The following SPATA13 variants were observed in gnomAD, a reference collection of about 807,000 sequenced individuals.
SPATA13 encodes spermatogenesis associated 13.
Under a neutral mutation model 104.0 loss-of-function variants are expected in SPATA13, and 50 were observed. The observed-to-expected ratio is 0.48, with a 90% CI of 0.38 to 0.61. SPATA13 has a LOEUF of 0.61. Ranked by LOEUF, SPATA13 falls within the 20% of genes least tolerant of loss-of-function variation. SPATA13 has a pLI of 0.00. For synonymous variants in SPATA13, 606 were observed against 667.5 expected (o/e 0.91, Z 1.42); for missense variants, 1,524 against 1,690.6 (o/e 0.90, Z 1.73).
chr13:24,279,286 G>A (rs1875305615), intron 4 of SPATA13, among the ~76,000 whole-genome samples: 1 of 152,160 alleles, frequency 6.6e-6, no homozygotes, highest in South Asian at 2.1e-4. Flanking sequence ...AGTGCCTGCG[G>A]TCTTTGCAGC....
At position 24,286,431 on chromosome 13, in the gene SPATA13, G is replaced by A. The variant is rs1351750125; in HGVS notation, c.2481+38G>A. ...TGCTTGCAGCTTTTCCAAAGTACCT[G>A]GGGGAGCTGCAGGATCCTTTCAGGT... On this transcript the variant is annotated intron_variant, in intron 6 of 12. Transcript: ENST00000382108. This position sits in a 1 kb window ranked among gnomAD's most constrained non-coding sequence, Gnocchi z 4.9. 2 of 1,590,778 alleles carry A rather than the reference G, an allele frequency of 1.3e-6. No individual in the cohort carries two copies. The highest frequency in any genetic ancestry group is 1.7e-5 in the Admixed American group (1 of 57,196).
chr13:24,191,780 G>A (rs150954375), intron 1 of SPATA13, among the ~76,000 whole-genome samples: 1,801 of 152,058 alleles, frequency 0.012, 52 homozygotes, highest in African/African-American at 0.042. Context: ...AAAGTGCTGG[G>A]ATTACAGGCG....
Position 24,161,300 on chromosome 13 carries a change from G to A in SPATA13, c.-112+368G>A, listed in dbSNP as rs1882476772. Among the ~76,000 whole-genome samples the A allele has an allele frequency of 6.6e-6, 1 of 152,318 alleles. No individual in the cohort carries two copies. The highest frequency in any genetic ancestry group is 3.4e-3 in the Middle Eastern group (1 of 294). On this transcript the variant is annotated intron_variant, in intron 1 of 12. Coordinates refer to ENST00000382108, the MANE Select transcript of SPATA13 (RefSeq NM_001166271.3). The surrounding 1 kb of genome is among the most constrained non-coding windows in gnomAD (Gnocchi z 4.5). ...GGGCCTGGCCTACAGGGGCGGCCGT[G>A]GGGGTGGCAGAGTCTGGGGAGCCTG...
In SPATA13 at chr13:24,001,154, G is replaced by A. The variant is rs565287867; in HGVS notation, c.-146-16513G>A. Reference sequence around the variant, plus strand: ...TCACCCCCTACTCTCTCCAGGTAATGTCATCCAGGCTCACAGCCACATTAC... The same window carrying A: ...TCACCCCCTACTCTCTCCAGGTAATATCATCCAGGCTCACAGCCACATTAC... On this transcript the variant is annotated intron_variant, in intron 2 of 14. Transcript: ENST00000424834. 8.5e-5 allele frequency among the ~76,000 whole-genome samples: 13 copies of A among 152,252 alleles called. No individual in the cohort carries two copies. The South Asian group carries it at 2.1e-3, about 24-fold the overall frequency.
chr13:24,065,204 A>G (rs920030182), intron 3 of SPATA13, among the ~76,000 whole-genome samples: 6 of 152,190 alleles, frequency 3.9e-5, no homozygotes, highest in Non-Finnish European at 8.8e-5. Flanking sequence ...CTGTATAGGA[A>G]AGAAACTTTT....
rs375865726 is a variant in SPATA13, at chr13:24,093,792, C to A, written c.-112+76091C>A. Among the ~76,000 whole-genome samples the A allele has an allele frequency of 5.9e-5, 9 of 152,038 alleles. No homozygotes were observed. In the East Asian group the frequency reaches 1.5e-3, roughly 26 times the overall value. The stretch of plus-strand genomic sequence containing the variant: ...AAGGGTACAGGGGAAAAGATCTAGG[C>A]TGTGGTCATAATACTTAGAGGACTG... On this transcript the variant is annotated intron_variant, in intron 3 of 14. Transcript: ENST00000424834.
At chr13:24,291,882 G>A (rs1040558852) in intron 9 of SPATA13, among the ~76,000 whole-genome samples, 5 of 150,404 alleles carry the variant, frequency 3.3e-5, no homozygotes, top group Non-Finnish European at 5.9e-5. Flanking sequence ...TCAGCCTCCC[G>A]AGTAGCTGGG....
intron 1 of SPATA13, among the ~76,000 whole-genome samples, chr13:24,169,177 G>A (rs1882864338): frequency 6.6e-6 from 1 of 152,112 alleles, no homozygotes; most frequent in Non-Finnish European, 1.5e-5. Context: ...TCCTAGAAAA[G>A]GCTTGGGCTC....
At chr13:24,214,935 C>G (rs1374854843) in intron 1 of SPATA13, among the ~76,000 whole-genome samples, 1 of 152,100 alleles carries the variant, frequency 6.6e-6, no homozygotes, top group Non-Finnish European at 1.5e-5. Flanking sequence ...CATTTCAGTC[C>G]CCACTGAGCA....
chr13:24,292,698 T>C (rs1175439281), intron 9 of SPATA13, among the ~76,000 whole-genome samples: 1 of 151,808 alleles, frequency 6.6e-6, no homozygotes, highest in African/African-American at 2.4e-5. Context: ...AGAGACAGAC[T>C]TAAAAAAGGA....
Position 24,116,250 on chromosome 13 carries a change from C to T in SPATA13, c.-112+98549C>T, listed in dbSNP as rs144053716. On this transcript the variant is annotated intron_variant, in intron 3 of 14. Transcript: ENST00000424834. ...ATGGATTGCATCTTCTCACTGTGTC[C>T]TCACGTGATGGACAGAGCAAATGAG... Among the ~76,000 whole-genome samples, 70 of 152,338 alleles carry T rather than the reference C, an allele frequency of 4.6e-4. 1 individual carries two copies. Among genetic ancestry groups the T allele is most frequent in the African/African-American group, 1.7e-3 (69 of 41,576 alleles).
intron 2 of SPATA13, among the ~76,000 whole-genome samples, chr13:24,008,571 A>C (rs1356915347): frequency 6.6e-6 from 1 of 151,938 alleles, no homozygotes; most frequent in East Asian, 1.9e-4. Flanking sequence ...GGGAGGGGAG[A>C]GAGAGAGAGA....
At chr13:24,175,417 A>G (rs1031067097) in intron 1 of SPATA13, among the ~76,000 whole-genome samples, 5 of 152,134 alleles carry the variant, frequency 3.3e-5, no homozygotes, top group Admixed American at 6.5e-5. Context: ...AGTGTTCTCT[A>G]TTGATAATTT....
Position 24,146,213 on chromosome 13 carries a change from A to G in SPATA13, c.-111-76606A>G, listed in dbSNP as rs567320815. ...AACAGACTTTGAGTATCTTGATCCCATTGGCAAAGCCAGCCTAATTCATAG... is the reference window on the plus strand; with the variant it reads ...AACAGACTTTGAGTATCTTGATCCCGTTGGCAAAGCCAGCCTAATTCATAG... On this transcript the variant is annotated intron_variant, in intron 3 of 14. Coordinates refer to the SPATA13 transcript ENST00000424834. Among the ~76,000 whole-genome samples, 5 of 152,368 alleles carry G rather than the reference A, an allele frequency of 3.3e-5. No individual in the cohort carries two copies. In the East Asian group the frequency reaches 9.6e-4, roughly 29 times the overall value.
Position 24,253,068 on chromosome 13 carries a change from C to T in SPATA13, c.2164+1206C>T, listed in dbSNP as rs371221770. On this transcript the variant is annotated intron_variant, in intron 4 of 12. Coordinates refer to ENST00000382108, the MANE Select transcript of SPATA13 (RefSeq NM_001166271.3). Reference sequence around the variant, plus strand: ...TTATTAGGAGTTAGTGACTGTCTTTCTGTCACTCACCCAGGGGTTCAGGTC... The same window carrying T: ...TTATTAGGAGTTAGTGACTGTCTTTTTGTCACTCACCCAGGGGTTCAGGTC... The T allele has an allele frequency of 5.3e-5, 8 of 152,306 alleles. No homozygotes were observed. The East Asian group carries it at 7.7e-4, about 15-fold the overall frequency. 9.4% of individuals were successfully genotyped at this position (152,306 alleles called of 1,614,324 possible).
At chr13:24,179,953 A>G (rs1490293872) in intron 1 of SPATA13, among the ~76,000 whole-genome samples, 2 of 152,146 alleles carry the variant, frequency 1.3e-5, no homozygotes, top group Admixed American at 1.3e-4. Flanking sequence ...TCCATTCTAC[A>G]GCTTTTCTTT....
intron 10 of SPATA13, among the ~76,000 whole-genome samples, chr13:24,296,493 G>A (rs1876790745): frequency 6.6e-6 from 1 of 152,220 alleles, no homozygotes; most frequent in Non-Finnish European, 1.5e-5. Flanking sequence ...TTTGTCAGAA[G>A]TTAATTTCTT....
At chr13:23,989,289 G>C (rs116998642) in intron 2 of SPATA13, among the ~76,000 whole-genome samples, 1 of 151,960 alleles carries the variant, frequency 6.6e-6, no homozygotes, top group Non-Finnish European at 1.5e-5. Context: ...AGGAGTAGTA[G>C]CATGCGCCTG....
At chr13:24,132,912 T>C (rs531658075) in intron 3 of SPATA13, among the ~76,000 whole-genome samples, 1 of 152,080 alleles carries the variant, frequency 6.6e-6, no homozygotes, top group Admixed American at 6.5e-5. Context: ...GGGGTGGAGA[T>C]TGCAATGGGC....
Sources: gnomAD v4.1 joint callset for allele counts (sites outside exome capture counted in the v4.1 genomes callset) on GRCh38, gnomAD v4.1.1 for gene constraint, Gnocchi (gnomAD v3.1) non-coding constraint, MANE v1.5 for transcripts, NCBI Gene and HGNC (gene_info 2026-07-23, HGNC 2026-07-21) for gene names.